The following FXR1 variants were observed in gnomAD, a reference collection of about 807,000 sequenced individuals.
FXR1 encodes FMR1 autosomal homolog 1.
Under a neutral mutation model 84.0 loss-of-function variants are expected in FXR1, and 15 were observed. The ratio of observed to expected loss-of-function variants is 0.18; its 90% CI spans 0.12 to 0.27. FXR1 has a LOEUF of 0.27. Among genes scored for constraint, FXR1 ranks in the 10% least tolerant of loss-of-function variants. The probability of loss-of-function intolerance (pLI) is 1.00; values close to 1 mark genes in which losing one functional copy is unlikely to be tolerated. For missense variants in FXR1, 480 were observed against 774.4 expected (o/e 0.62, Z 4.51); for synonymous variants, 245 against 250.7 (o/e 0.98, Z 0.21).
chr3:180,912,878 C>T lies in FXR1; in HGVS notation c.51+142C>T, dbSNP rs1030760333. The T allele has an allele frequency of 2.2e-5, 32 of 1,447,382 alleles. No homozygotes were observed. The Admixed American group carries it at 4.0e-4, about 18-fold the overall frequency. The allele number at this position is 1,447,382 out of a possible 1,614,324, so 89.7% of individuals were successfully genotyped here. ...GAGGCCGCTGGATTCCTTGCTTCTC[C>T]CCCCTCCACCCGCGGTTTAACGGTC... On this transcript the variant is annotated intron_variant, in intron 1 of 16. Transcript: ENST00000357559.
chr3:180,952,463 A>G (rs777688200), intron 8 of FXR1, among the ~76,000 whole-genome samples: 1 of 152,128 alleles, frequency 6.6e-6, no homozygotes, highest in African/African-American at 2.4e-5. Flanking sequence ...ATGCTGAAGC[A>G]GGAAGATCAC....
chr3:180,963,119 TG>T (rs762864803), intron 13 of FXR1, 29 bp downstream of exon 13: 18 of 847,546 alleles, frequency 2.1e-5, no homozygotes, highest in African/African-American at 1.8e-4. Context: ...TTTTTTTTTT[TG>T]GTAATAGTAA....
intron 10 of FXR1, among the ~76,000 whole-genome samples, chr3:180,960,968 A>AT (rs1712028293): frequency 6.6e-6 from 1 of 152,034 alleles, no homozygotes; most frequent in South Asian, 2.1e-4. Context: ...GGATTTTAGC[A>AT]TTTTTTTCTC....
At chr3:180,962,199 C>T (rs1395112753) in intron 11 of FXR1, among the ~76,000 whole-genome samples, 1 of 152,170 alleles carries the variant, frequency 6.6e-6, no homozygotes, top group Non-Finnish European at 1.5e-5. Flanking sequence ...TTCTCTGCCT[C>T]TAGTATGTTT....
At chr3:180,951,180 G>A (rs538638839) in intron 7 of FXR1, 118 bp from the exon 8 acceptor site, 15 of 619,490 alleles carry the variant, frequency 2.4e-5, no homozygotes, top group African/African-American at 2.4e-4. Flanking sequence ...CCATGATCAC[G>A]CCACTGCACC....
intron 1 of FXR1, among the ~76,000 whole-genome samples, chr3:180,932,409 TTTAATG>T (rs1462972764): frequency 6.6e-6 from 1 of 152,218 alleles, no homozygotes; most frequent in African/African-American, 2.4e-5. Context: ...TATAAAGTCA[TTTAATG>T]TTAATTGTAA....
At chr3:180,949,001 ATG>A (rs1252785246) in intron 6 of FXR1, among the ~76,000 whole-genome samples, 187 bp downstream of exon 6, 1 of 152,198 alleles carries the variant, frequency 6.6e-6, no homozygotes, top group Non-Finnish European at 1.5e-5. Flanking sequence ...AAAATTCTTA[ATG>A]TGTGAGATTC....
chr3:180,913,835 CCTT>C (rs1175303455), intron 1 of FXR1, among the ~76,000 whole-genome samples: 2 of 152,184 alleles, frequency 1.3e-5, no homozygotes, highest in East Asian at 1.9e-4. Flanking sequence ...TTATGAAGGG[CCTT>C]CTTCTAATAC....
chr3:180,950,999 G>A (rs1206653150), intron 7 of FXR1, among the ~76,000 whole-genome samples: 1 of 151,888 alleles, frequency 6.6e-6, no homozygotes, highest in Non-Finnish European at 1.5e-5. Flanking sequence ...GATTGCTTTA[G>A]CCCAAAAGTT....
Position 180,970,090 on chromosome 3 carries a change from A to G in FXR1, c.1403-68A>G, listed in dbSNP as rs533135027. ...GTTTATTTGTCATTGATATAGTTCA[A>G]TATAGATCAAACATTCATAATTGCA... On this transcript the variant is annotated intron_variant, in intron 14 of 16. Transcript: ENST00000357559. 2.7e-3 allele frequency: 2,218 copies of G among 825,926 alleles called. 3 individuals are homozygous for G. The highest frequency in any genetic ancestry group is 3.3e-3 in the Non-Finnish European group (1,554 of 467,444). 51.2% of individuals were successfully genotyped at this position (825,926 alleles called of 1,614,324 possible). A position where few individuals can be genotyped will look rare whatever the true frequency, so the allele number is the denominator to read the frequency against.
rs746815811 is a variant in FXR1 at position 180,940,580 on chromosome 3, G to GTTTTGTTTTTT, written c.198+5353_198+5354insGTTTTTTTTTT. ...ACGTGTTTAGTTTTTGTTTTTTTCT[G>GTTTTGTTTTTT]TTTTCTTTTTTTTTTGGAGATGGAG... On this transcript the variant is annotated intron_variant, in intron 3 of 16. Coordinates refer to ENST00000357559, the MANE Select transcript of FXR1 (RefSeq NM_005087.4). 2.4e-4 allele frequency among the ~76,000 whole-genome samples: 35 copies of GTTTTGTTTTTT among 146,094 alleles called. 1 individual carries two copies. Among genetic ancestry groups the GTTTTGTTTTTT allele is most frequent in the African/African-American group, 7.5e-4 (28 of 37,230 alleles).
In FXR1 at chr3:180,942,303, C is replaced by T. The variant is rs549344436; in HGVS notation, c.199-5562C>T. ...TGAGGCAGGAGAATGGCGTGAACCC[C>T]GGAGGTGGAGCTCGCAGTGAGCTGA... On this transcript the variant is annotated intron_variant, in intron 3 of 16. Coordinates refer to ENST00000357559, the MANE Select transcript of FXR1 (RefSeq NM_005087.4). Among the ~76,000 whole-genome samples the T allele has an allele frequency of 5.4e-3, 724 of 135,026 alleles. 5 individuals are homozygous for T. The highest frequency in any genetic ancestry group is 0.019 in the African/African-American group (685 of 35,934). 88.6% of individuals were successfully genotyped at this position (135,026 alleles called of 152,430 possible). A position where few individuals can be genotyped will look rare whatever the true frequency, so the allele number is the denominator to read the frequency against.
chr3:180,946,113 TATC>T (rs1017851823), intron 3 of FXR1, among the ~76,000 whole-genome samples: 2 of 152,200 alleles, frequency 1.3e-5, no homozygotes, highest in Non-Finnish European at 2.9e-5. Flanking sequence ...AATTCATAAT[TATC>T]AACTGGTCAA....
intron 13 of FXR1, 28 bp downstream of exon 13, chr3:180,963,118 TTG>T: frequency 1.1e-6 from 1 of 901,748 alleles, no homozygotes; most frequent in Non-Finnish European, 1.8e-6. Flanking sequence ...TTTTTTTTTT[TTG>T]GTAATAGTAA....
chr3:180,944,696 C>A (rs540954942), intron 3 of FXR1, among the ~76,000 whole-genome samples: 2 of 152,302 alleles, frequency 1.3e-5, no homozygotes, highest in East Asian at 3.9e-4. Flanking sequence ...CAACTCACTG[C>A]AGCCTTGACT....
rs1714608817 is a variant in FXR1, at chr3:180,981,529, T to G, written c.*5237T>G. On this transcript the variant is annotated 3_prime_UTR_variant, in exon 17 of 17. Transcript: ENST00000357559. Reference sequence around the variant, plus strand: ...ACAGCACCTTAGGACTCATTTCTAATGTCAACCCAGATGGCCAGTAAAGGC... The same window carrying G: ...ACAGCACCTTAGGACTCATTTCTAAGGTCAACCCAGATGGCCAGTAAAGGC... The G allele has an allele frequency of 6.6e-6, 1 of 151,996 alleles. No homozygotes were observed. Among genetic ancestry groups the G allele is most frequent in the South Asian group, 2.1e-4 (1 of 4,832 alleles). 9.4% of individuals were successfully genotyped at this position (151,996 alleles called of 1,614,324 possible).
intron 2 of FXR1, among the ~76,000 whole-genome samples, chr3:180,934,052 TG>T (rs1720252094): frequency 6.6e-6 from 1 of 152,124 alleles, no homozygotes; most frequent in East Asian, 1.9e-4. Flanking sequence ...AGGTGGAGGT[TG>T]CAGTGAGCTG....
chr3:180,934,378 C>G (rs767035332), intron 2 of FXR1, among the ~76,000 whole-genome samples: 12 of 152,098 alleles, frequency 7.9e-5, no homozygotes, highest in Non-Finnish European at 1.2e-4. Context: ...TAGTATACTT[C>G]CCAGACATAT....
chr3:180,940,580 G>GTTTTTTTTT (rs746815811), intron 3 of FXR1, among the ~76,000 whole-genome samples: 183 of 146,056 alleles, frequency 1.3e-3, no homozygotes, highest in African/African-American at 4.7e-3. Flanking sequence ...GTTTTTTTCT[G>GTTTTTTTTT]TTTTCTTTTT....
Sources: gnomAD v4.1 joint callset for allele counts (sites outside exome capture counted in the v4.1 genomes callset) on GRCh38, gnomAD v4.1.1 for gene constraint, MANE v1.5 for transcripts, NCBI Gene and HGNC (gene_info 2026-07-23, HGNC 2026-07-21) for gene names.